The following PLCE1 variants were observed in gnomAD, a reference collection of about 807,000 sequenced individuals.
PLCE1 encodes the protein phospholipase C epsilon 1.
A neutral mutation model predicts 242.8 loss-of-function variants in PLCE1; 119 were observed. The observed-to-expected ratio is 0.49, with a 90% CI of 0.42 to 0.57. The LOEUF (loss-of-function observed/expected upper bound fraction) is 0.57, where lower values mean the gene tolerates loss of function less well. PLCE1 is among the 20% of genes least tolerant of loss of function. The pLI, the probability that PLCE1 is intolerant of heterozygous loss-of-function variation, is 0.00. For missense variants in PLCE1, 2,441 were observed against 2,788.8 expected (o/e 0.88, Z 2.81); for synonymous variants, 945 against 1,017.4 (o/e 0.93, Z 1.35).
intron 1 of PLCE1, among the ~76,000 whole-genome samples, chr10:94,011,574 C>A (rs1264468603): frequency 6.6e-6 from 1 of 152,134 alleles, no homozygotes; most frequent in East Asian, 1.9e-4. Context: ...AATGAGTGTC[C>A]TAGTGAGATA....
At chr10:94,118,641 C>T (rs1217912513) in intron 2 of PLCE1, among the ~76,000 whole-genome samples, 1 of 152,226 alleles carries the variant, frequency 6.6e-6, no homozygotes, top group African/African-American at 2.4e-5. Context: ...ATGTGACTTG[C>T]TCCTCCTTGC....
intron 6 of PLCE1, among the ~76,000 whole-genome samples, chr10:94,235,162 T>C (rs2050278500): frequency 6.6e-6 from 1 of 151,578 alleles, no homozygotes; most frequent in African/African-American, 2.4e-5. Flanking sequence ...AGCCTCTTCT[T>C]TGTCACCTGG....
chr10:94,059,138 C>T (rs2043980939), intron 2 of PLCE1, among the ~76,000 whole-genome samples: 1 of 152,160 alleles, frequency 6.6e-6, no homozygotes, highest in African/African-American at 2.4e-5. Context: ...GAAAACTAGA[C>T]ATGTGGAAAG....
At chr10:94,132,096 C>CAGA (rs2135906009) in intron 2 of PLCE1, 78 bp from the exon 3 acceptor site, 1 of 1,407,104 alleles carries the variant, frequency 7.1e-7, no homozygotes, top group Non-Finnish European at 1.0e-6. Context: ...AATAAGTCAT[C>CAGA]TTGGCATTTT....
chr10:94,008,382 C>T (rs956944316), intron 1 of PLCE1, among the ~76,000 whole-genome samples: 1 of 152,040 alleles, frequency 6.6e-6, no homozygotes, highest in Non-Finnish European at 1.5e-5. Flanking sequence ...GATCTCAGCT[C>T]ACTACAACCT....
At chr10:94,113,456 C>G (rs2046017952) in intron 2 of PLCE1, among the ~76,000 whole-genome samples, 1 of 152,140 alleles carries the variant, frequency 6.6e-6, no homozygotes, top group African/African-American at 2.4e-5. Flanking sequence ...TGTTTAGTTA[C>G]CACCTGTATT....
chr10:94,088,786 A>G (rs918068660), intron 2 of PLCE1, among the ~76,000 whole-genome samples: 3 of 152,148 alleles, frequency 2.0e-5, no homozygotes, highest in African/African-American at 7.2e-5. Context: ...AAACTTGACT[A>G]AAACAGTGAG....
intron 25 of PLCE1, 28 bp downstream of exon 25, chr10:94,304,673 T>C (rs1187152020): frequency 6.2e-7 from 1 of 1,610,884 alleles, no homozygotes; most frequent in South Asian, 1.1e-5. Flanking sequence ...AGAAAGAACA[T>C]AAGGTCGGGT....
At position 94,327,999 on chromosome 10, in the gene PLCE1, G is replaced by A. The variant is rs765970558; in HGVS notation, c.*56G>A. 5 of 531,882 alleles carry A rather than the reference G, an allele frequency of 9.4e-6. No homozygotes were observed. The allele number at this position is 531,882 out of a possible 1,614,324, so 32.9% of individuals were successfully genotyped here. On this transcript the variant is annotated 3_prime_UTR_variant, in exon 33 of 33. Transcript: ENST00000371380. ...ATCTTTAAGCAAGAAGTTAAAGAGT[G>A]AACATGGTGGAAAAAATATAATTAT...
chr10:94,019,328 G>T (rs1461371028), intron 1 of PLCE1, among the ~76,000 whole-genome samples: 2 of 152,146 alleles, frequency 1.3e-5, no homozygotes, highest in Non-Finnish European at 2.9e-5. Flanking sequence ...GCAGCCTGTG[G>T]TCCACTTGAA....
At chr10:94,253,918 TCA>T (rs764995581) in intron 9 of PLCE1, among the ~76,000 whole-genome samples, 1 of 152,240 alleles carries the variant, frequency 6.6e-6, no homozygotes, top group Non-Finnish European at 1.5e-5. Context: ...TTTATCTGCT[TCA>T]CAGTTTTTTT....
At chr10:94,034,162 G>C (rs1289229489) in intron 2 of PLCE1, among the ~76,000 whole-genome samples, 2 of 152,130 alleles carry the variant, frequency 1.3e-5, no homozygotes, top group African/African-American at 2.4e-5. Flanking sequence ...TCACTACCAT[G>C]AGAAAACTAT....
chr10:94,165,520 A>G (rs1163875778), intron 3 of PLCE1, among the ~76,000 whole-genome samples: 2 of 152,168 alleles, frequency 1.3e-5, no homozygotes, highest in Non-Finnish European at 1.5e-5. Context: ...TGGGAGCTGT[A>G]GACTGGAGCT....
intron 24 of PLCE1, among the ~76,000 whole-genome samples, chr10:94,303,512 A>T (rs968885632): frequency 1.3e-5 from 2 of 151,870 alleles, no homozygotes; most frequent in Admixed American, 6.6e-5. Flanking sequence ...AGATGTGATT[A>T]TTTTTTTTCT....
chr10:94,183,835 C>T (rs1312164596), intron 4 of PLCE1, among the ~76,000 whole-genome samples: 1 of 152,034 alleles, frequency 6.6e-6, no homozygotes, highest in African/African-American at 2.4e-5. Context: ...AGGGGGATGT[C>T]CCAGACTCTT....
chr10:93,995,697 C>A (rs1379489097), intron 1 of PLCE1, among the ~76,000 whole-genome samples: 4 of 152,210 alleles, frequency 2.6e-5, no homozygotes, highest in African/African-American at 4.8e-5. Context: ...TTTACAGCCC[C>A]ATGGGGGAAA....
intron 3 of PLCE1, among the ~76,000 whole-genome samples, chr10:94,143,176 G>A (rs983347072): frequency 1.3e-5 from 2 of 152,124 alleles, no homozygotes; most frequent in Non-Finnish European, 2.9e-5. Context: ...GGGAAAACAA[G>A]CCCTGACCCA....
intron 1 of PLCE1, among the ~76,000 whole-genome samples, chr10:94,030,472 G>A (rs1218829238): frequency 6.6e-6 from 1 of 151,030 alleles, no homozygotes; most frequent in African/African-American, 2.4e-5. Context: ...TAAGGTGGAT[G>A]AATAAATCTT....
intron 3 of PLCE1, among the ~76,000 whole-genome samples, chr10:94,142,296 C>A (rs61886305): frequency 0.18 from 26,419 of 148,348 alleles, 2,396 homozygotes; most frequent in South Asian, 0.31. Flanking sequence ...CCAAGAAGAT[C>A]ACGTTAGGCC....
Sources: allele counts gnomAD v4.1 joint callset (sites outside exome capture counted in the v4.1 genomes callset), GRCh38; gene constraint gnomAD v4.1.1; transcripts MANE v1.5; gene names NCBI Gene and HGNC (gene_info 2026-07-23, HGNC 2026-07-21).